The following COL13A1 variants were observed in gnomAD, a reference collection of about 807,000 sequenced individuals.
COL13A1 encodes collagen alpha-1(XIII) chain.
COL13A1 carries 89 observed loss-of-function variants against 130.9 expected under a neutral mutation model. The ratio of observed to expected loss-of-function variants is 0.68; its 90% confidence interval spans 0.57 to 0.81. COL13A1 has a LOEUF of 0.81. Ranked by LOEUF, COL13A1 falls within the 30% of genes least tolerant of loss-of-function variation. The pLI, the probability that COL13A1 is intolerant of heterozygous loss-of-function variation, is 0.00. For missense variants in COL13A1, 879 were observed against 934.6 expected (o/e 0.94, Z 0.78); for synonymous variants, 402 against 341.6 (o/e 1.18, Z -1.95).
intron 1 of COL13A1, among the ~76,000 whole-genome samples, chr10:69,816,885 G>T (rs563918105): frequency 6.6e-6 from 1 of 152,294 alleles, no homozygotes; most frequent in African/African-American, 2.4e-5. Context: ...AGGAGGCAGC[G>T]AAGATTGTCA....
chr10:69,872,681 A>G (rs2059189629), intron 4 of COL13A1, among the ~76,000 whole-genome samples: 1 of 152,248 alleles, frequency 6.6e-6, no homozygotes, highest in Non-Finnish European at 1.5e-5. Context: ...GGCTGTGCCA[A>G]GTAACCATGG....
At chr10:69,888,513 C>G (rs968818065) in intron 9 of COL13A1, among the ~76,000 whole-genome samples, 183 bp downstream of exon 9, 5 of 152,212 alleles carry the variant, frequency 3.3e-5, no homozygotes, top group African/African-American at 1.2e-4. Flanking sequence ...GTGGCCTTCC[C>G]CAGGGCACAG....
At chr10:69,837,055 A>T (rs1850281057) in intron 2 of COL13A1, among the ~76,000 whole-genome samples, 1 of 75,540 alleles carries the variant, frequency 1.3e-5, no homozygotes, top group African/African-American at 6.7e-5. Context: ...GTGGTCATGG[A>T]GGGGTCTCCA....
chr10:69,842,748 A>G (rs1224604474), intron 2 of COL13A1, among the ~76,000 whole-genome samples: 1 of 152,222 alleles, frequency 6.6e-6, no homozygotes, highest in African/African-American at 2.4e-5. Context: ...GGCCAGAGTC[A>G]GCACCAGCAC....
intron 2 of COL13A1, among the ~76,000 whole-genome samples, chr10:69,848,139 G>T (rs1036526328): frequency 1.3e-5 from 2 of 152,202 alleles, no homozygotes; most frequent in Non-Finnish European, 2.9e-5. Context: ...AGACTGAGGG[G>T]CTCTGGGGGA....
chr10:69,923,781 C>T lies in COL13A1; in HGVS notation c.1231-21C>T, dbSNP rs778703039. Reference sequence around the variant, plus strand: ...CCAGGTGCCCAGCATGCCCTCATCCCAACTCTCTCCTCTTCCCCAGGGAGA... The same window carrying T: ...CCAGGTGCCCAGCATGCCCTCATCCTAACTCTCTCCTCTTCCCCAGGGAGA... On this transcript the variant is annotated intron_variant, in intron 23 of 40. Coordinates refer to ENST00000645393, the MANE Select transcript of COL13A1 (RefSeq NM_001368882.1). 14 of 1,605,578 alleles carry T rather than the reference C, an allele frequency of 8.7e-6. No individual in the cohort carries two copies. The South Asian group carries it at 1.5e-4, about 17-fold the overall frequency.
chr10:69,820,020 A>C (rs1421876240), intron 1 of COL13A1, among the ~76,000 whole-genome samples: 1 of 152,100 alleles, frequency 6.6e-6, no homozygotes, highest in African/African-American at 2.4e-5. Flanking sequence ...TACTTCCTCC[A>C]AATACCGCAT....
At chr10:69,883,237 G>A (rs1369386905) in intron 7 of COL13A1, among the ~76,000 whole-genome samples, 2 of 152,210 alleles carry the variant, frequency 1.3e-5, no homozygotes, top group African/African-American at 2.4e-5. Context: ...AATCGAGGGG[G>A]AGCCTGGACC....
intron 2 of COL13A1, among the ~76,000 whole-genome samples, chr10:69,829,982 A>T: frequency 6.6e-6 from 1 of 152,216 alleles, no homozygotes; most frequent in Admixed American, 6.5e-5. Flanking sequence ...CCGCTCTGAT[A>T]ACACTGGGGT....
chr10:69,813,268 C>T (rs1843533490), intron 1 of COL13A1, among the ~76,000 whole-genome samples: 1 of 152,216 alleles, frequency 6.6e-6, no homozygotes, highest in Non-Finnish European at 1.5e-5. Context: ...TCCTGGGCCC[C>T]TTGCCAATCT....
At chr10:69,917,453 C>A in intron 18 of COL13A1, 120 bp downstream of exon 18, 1 of 838,886 alleles carries the variant, frequency 1.2e-6, no homozygotes, top group Non-Finnish European at 1.9e-6. Context: ...CTTCTGCCTG[C>A]CCTGGTTCTC....
chr10:69,909,032 G>A (rs10999024), intron 17 of COL13A1, among the ~76,000 whole-genome samples: 3,265 of 152,234 alleles, frequency 0.021, 138 homozygotes, highest in African/African-American at 0.076. Context: ...AGAAGTCTCT[G>A]TATCAGCTGG....
chr10:69,937,585 T>A, intron 33 of COL13A1, 50 bp from the exon 34 acceptor site: 1 of 877,696 alleles, frequency 1.1e-6, no homozygotes, highest in African/African-American at 1.7e-5. Context: ...AAGAATGAAT[T>A]GTCTGGGACA....
chr10:69,841,568 G>C (rs947482529), intron 2 of COL13A1, among the ~76,000 whole-genome samples: 2 of 152,212 alleles, frequency 1.3e-5, no homozygotes, highest in Non-Finnish European at 2.9e-5. Flanking sequence ...GCCTTTGCTA[G>C]GTGCTGGTAA....
At chr10:69,899,602 G>C (rs2061988194) in intron 14 of COL13A1, among the ~76,000 whole-genome samples, 1 of 152,210 alleles carries the variant, frequency 6.6e-6, no homozygotes, top group Non-Finnish European at 1.5e-5. Flanking sequence ...GGAATTTGTG[G>C]AGGGAATGTA....
intron 2 of COL13A1, among the ~76,000 whole-genome samples, chr10:69,846,383 G>T (rs1395895779): frequency 2.6e-5 from 4 of 151,850 alleles, no homozygotes; most frequent in Non-Finnish European, 5.9e-5. Context: ...TGGGGTTGGG[G>T]TTGGGGGGAG....
intron 2 of COL13A1, 118 bp from the exon 3 acceptor site, chr10:69,867,680 C>G (rs760368315): frequency 3.0e-6 from 2 of 659,802 alleles, no homozygotes; most frequent in African/African-American, 1.8e-5. Flanking sequence ...AGACAAACTT[C>G]GAAGACCAGA....
intron 4 of COL13A1, among the ~76,000 whole-genome samples, chr10:69,873,370 C>A (rs896653522): frequency 6.6e-6 from 1 of 152,206 alleles, no homozygotes; most frequent in African/African-American, 2.4e-5. Context: ...GTAAGAGCCC[C>A]AGCACAAAGG....
intron 17 of COL13A1, among the ~76,000 whole-genome samples, 194 bp downstream of exon 17, chr10:69,906,016 T>G (rs1037866639): frequency 6.6e-6 from 1 of 152,096 alleles, no homozygotes; most frequent in Non-Finnish European, 1.5e-5. Flanking sequence ...CTAGGCAGAG[T>G]TCTTTCTGTG....
Sources: gnomAD v4.1 joint callset for allele counts (sites outside exome capture counted in the v4.1 genomes callset) on GRCh38, gnomAD v4.1.1 for gene constraint, MANE v1.5 for transcripts, NCBI Gene and HGNC (gene_info 2026-07-23, HGNC 2026-07-21) for gene names.